The following GCSH variants were observed in gnomAD, a reference collection of about 807,000 sequenced individuals.
GCSH encodes the protein glycine cleavage system protein H.
In GCSH, 15 loss-of-function variants were observed where a neutral mutation model predicts 21.3. The ratio of observed to expected loss-of-function variants is 0.70; its 90% confidence interval spans 0.47 to 1.08. The LOEUF is 1.08. Ranked by LOEUF, GCSH falls within the 50% of genes least tolerant of loss-of-function variation. The pLI is 0.00. For synonymous variants in GCSH, 59 were observed against 84.5 expected (o/e 0.70, Z 1.66); for missense variants, 179 against 217.5 (o/e 0.82, Z 1.11).
chr16:81,092,845 T>C (rs1166472178), intron 1 of GCSH, among the ~76,000 whole-genome samples: 2 of 151,760 alleles, frequency 1.3e-5, no homozygotes, highest in Non-Finnish European at 2.9e-5. Flanking sequence ...AATTATCATG[T>C]TGCAGGCCGG....
At chr16:81,083,854 A>G (rs1218349588) in intron 4 of GCSH, 2 of 151,546 alleles carry the variant, frequency 1.3e-5, no homozygotes, top group Non-Finnish European at 2.9e-5. Context: ...ATGTCACACA[A>G]TATGAGTGGC....
chr16:81,094,376 T>C (rs1972458219), intron 1 of GCSH, among the ~76,000 whole-genome samples: 1 of 151,868 alleles, frequency 6.6e-6, no homozygotes, highest in African/African-American at 2.4e-5. Context: ...GATGGAGGTG[T>C]GCTCTTGTCG....
At chr16:81,096,087 C>CCAGGCGGGGAGGGAG in intron 1 of GCSH, 44 bp downstream of exon 1, 1 of 1,232,480 alleles carries the variant, frequency 8.1e-7, no homozygotes, top group Non-Finnish European at 1.0e-6. Flanking sequence ...GACAAGCAGC[C>CCAGGCGGGGAGGGAG]CAGGCGGGGA....
rs546736058 is a variant in GCSH at position 81,094,802 on chromosome 16, A to T, written c.148+1329T>A. On this transcript the variant is annotated intron_variant, in intron 1 of 4. Transcript: ENST00000315467. Reference sequence around the variant, plus strand: ...GTCAGTGTATCAAACATTTGGGCGTAAAGAAAATTGTTGGCCTGGCGCGGT... The same window carrying T: ...GTCAGTGTATCAAACATTTGGGCGTTAAGAAAATTGTTGGCCTGGCGCGGT... 2.1e-3 allele frequency among the ~76,000 whole-genome samples: 326 copies of T among 152,286 alleles called. 1 individual carries two copies. The highest frequency in any genetic ancestry group is 3.8e-3 in the Admixed American group (58 of 15,284).
At chr16:81,087,489 C>G in intron 3 of GCSH, 112 bp downstream of exon 3, 1 of 789,900 alleles carries the variant, frequency 1.3e-6, no homozygotes, top group South Asian at 1.4e-5. Flanking sequence ...CAAAGCAAGA[C>G]TGTCTCCAAA....
chr16:81,092,853 C>T (rs1416975886), intron 1 of GCSH, among the ~76,000 whole-genome samples: 2 of 151,748 alleles, frequency 1.3e-5, no homozygotes, highest in East Asian at 3.9e-4. Flanking sequence ...TGTTGCAGGC[C>T]GGGCACAGTG....
intron 1 of GCSH, among the ~76,000 whole-genome samples, chr16:81,091,438 G>C (rs1014801173): frequency 6.6e-6 from 1 of 152,136 alleles, no homozygotes; most frequent in Admixed American, 6.6e-5. Flanking sequence ...CTTCTCTAAA[G>C]ATACGGTCAA....
rs912708350 is a variant in GCSH, at chr16:81,090,914, G to A, written c.149-234C>T. 10 of 591,368 alleles carry A rather than the reference G, an allele frequency of 1.7e-5. No individual in the cohort carries two copies. The Middle Eastern group carries it at 1.0e-3, about 61-fold the overall frequency. 36.6% of individuals were successfully genotyped at this position (591,368 alleles called of 1,614,324 possible). On this transcript the variant is annotated intron_variant, in intron 1 of 4. Coordinates refer to ENST00000315467, the MANE Select transcript of GCSH (RefSeq NM_004483.5). ...CATCTGAACACCTTGTGCATCTTTT[G>A]GAGATTGGATTATCTGCTTTAACAT...
intron 1 of GCSH, chr16:81,091,051 G>T: frequency 2.2e-6 from 1 of 451,316 alleles, no homozygotes. Flanking sequence ...GACAAATTTG[G>T]GGTGATGAGG....
At chr16:81,095,495 G>C (rs920831094) in intron 1 of GCSH, among the ~76,000 whole-genome samples, 1 of 151,054 alleles carries the variant, frequency 6.6e-6, no homozygotes, top group African/African-American at 2.4e-5. Context: ...CGATTCTCCT[G>C]CCTCAGCCTC....
At chr16:81,083,227 A>T in intron 4 of GCSH, 1 of 449,842 alleles carries the variant, frequency 2.2e-6, no homozygotes, top group Non-Finnish European at 4.1e-6. Context: ...TGACATTTAA[A>T]TCTTTAAGGG....
intron 1 of GCSH, 66 bp from the exon 2 acceptor site, chr16:81,090,746 C>A: frequency 9.0e-7 from 1 of 1,108,394 alleles, no homozygotes; most frequent in Non-Finnish European, 1.4e-6. Flanking sequence ...CTTTTCATTA[C>A]CATTGCTTTC....
intron 1 of GCSH, chr16:81,091,269 C>A (rs777977744): frequency 5.0e-5 from 18 of 358,858 alleles, no homozygotes; most frequent in Non-Finnish European, 8.5e-5. Flanking sequence ...CTACTTTAAT[C>A]AAATTCAAGC....
At position 81,089,005 on chromosome 16, in the gene GCSH, C is replaced by T. The variant is rs576631965; in HGVS notation, c.229-1341G>A. Among the ~76,000 whole-genome samples the T allele has an allele frequency of 6.6e-5, 10 of 152,268 alleles. No homozygotes were observed. In the South Asian group the frequency reaches 2.1e-3, roughly 32 times the overall value. On this transcript the variant is annotated intron_variant, in intron 2 of 4. Transcript: ENST00000315467. ...AAGGACGACATCTTACACAACATCT[C>T]AAAAACTATCCAACACTGGGCCTCA... is the stretch of plus-strand genomic sequence containing the variant.
intron 1 of GCSH, among the ~76,000 whole-genome samples, chr16:81,094,171 A>G (rs1256304002): frequency 1.3e-5 from 2 of 152,146 alleles, no homozygotes; most frequent in African/African-American, 4.8e-5. Context: ...AAGTGCTGGG[A>G]TTAAAGGCAT....
At position 81,096,016 on chromosome 16, in the gene GCSH, C is replaced by A. The variant is rs571881344; in HGVS notation, c.148+115G>T. 5.6e-6 allele frequency: 5 copies of A among 897,522 alleles called. No homozygotes were observed. In the East Asian group the frequency reaches 1.7e-4, roughly 30 times the overall value. The allele number at this position is 897,522 out of a possible 1,614,324, so 55.6% of individuals were successfully genotyped here. On this transcript the variant is annotated intron_variant, in intron 1 of 4. Transcript: ENST00000315467. ...ATAAGAAGGGGGCAGGGTCCGCGCT[C>A]GCTCCGCCCCGGTGGCTCAGGAGCG...
At chr16:81,089,231 T>G (rs2151770467) in intron 2 of GCSH, among the ~76,000 whole-genome samples, 1 of 152,326 alleles carries the variant, frequency 6.6e-6, no homozygotes. Context: ...GCAGAAGTGT[T>G]TTGGATTTCA....
rs137950399 is a variant in GCSH at position 81,087,585 on chromosome 16, T to C, written c.292+16A>G. 1.2e-4 allele frequency: 180 copies of C among 1,544,800 alleles called. No individual in the cohort carries two copies. The African/African-American group carries it at 2.0e-3, about 17-fold the overall frequency. Reference sequence around the variant, plus strand: ...ATTCATGGCATGGATCATTCTAAGATCCTAAGAACACTCACCTTGTTTGTT... The same window carrying C: ...ATTCATGGCATGGATCATTCTAAGACCCTAAGAACACTCACCTTGTTTGTT... On this transcript the variant is annotated intron_variant, in intron 3 of 4. Coordinates refer to ENST00000315467, the MANE Select transcript of GCSH (RefSeq NM_004483.5).
At chr16:81,084,710 T>TA in intron 3 of GCSH, 116 bp from the exon 4 acceptor site, 2 of 758,108 alleles carry the variant, frequency 2.6e-6, no homozygotes, top group Non-Finnish European at 4.2e-6. Context: ...ATTCCAAATT[T>TA]CTTTTTTTTT....
Sources: gnomAD v4.1 joint callset for allele counts (sites outside exome capture counted in the v4.1 genomes callset) on GRCh38, gnomAD v4.1.1 for gene constraint, MANE v1.5 for transcripts, NCBI Gene and HGNC (gene_info 2026-07-23, HGNC 2026-07-21) for gene names.